RGS7BP: variants seen among roughly 807,000 people sequenced by gnomAD.
RGS7BP encodes the protein regulator of G protein signaling 7 binding protein.
RGS7BP carries 9 observed loss-of-function variants against 31.3 expected under a neutral mutation model. That is an observed-to-expected ratio of 0.29 (90% CI 0.17 to 0.50). The LOEUF is 0.50. RGS7BP is among the 20% of genes least tolerant of loss of function. The pLI, the probability that RGS7BP is intolerant of heterozygous loss-of-function variation, is 0.98. For missense variants in RGS7BP, 274 were observed against 322.0 expected (o/e 0.85, Z 1.14); for synonymous variants, 115 against 120.1 (o/e 0.96, Z 0.28).
At chr5:64,520,616 A>T (rs1749081340) in intron 2 of RGS7BP, among the ~76,000 whole-genome samples, 1 of 152,172 alleles carries the variant, frequency 6.6e-6, no homozygotes, top group Non-Finnish European at 1.5e-5. Context: ...TGCAAGTCCT[A>T]GACATGACCC....
intron 2 of RGS7BP, among the ~76,000 whole-genome samples, chr5:64,572,073 G>C (rs1742312778): frequency 6.6e-6 from 1 of 152,080 alleles, no homozygotes; most frequent in Non-Finnish European, 1.5e-5. Flanking sequence ...TAATTAGAGT[G>C]AAACGTGTTA....
chr5:64,556,062 C>T (rs1176450067), intron 2 of RGS7BP, among the ~76,000 whole-genome samples: 1 of 151,976 alleles, frequency 6.6e-6, no homozygotes, highest in East Asian at 1.9e-4. Context: ...TGTACAGCTT[C>T]CATTCTGCTT....
chr5:64,577,520 C>CA (rs1309765726), intron 3 of RGS7BP, among the ~76,000 whole-genome samples: 3 of 152,182 alleles, frequency 2.0e-5, no homozygotes, highest in Non-Finnish European at 4.4e-5. Context: ...TACATTGCTC[C>CA]AGAGACAGGA....
intron 3 of RGS7BP, among the ~76,000 whole-genome samples, chr5:64,584,547 C>T (rs1447186703): frequency 2.0e-5 from 3 of 152,162 alleles, no homozygotes; most frequent in African/African-American, 7.2e-5. Context: ...CACTCAGAGC[C>T]CCATAAGGAT....
chr5:64,512,661 G>A (rs182940425), intron 2 of RGS7BP, among the ~76,000 whole-genome samples: 3 of 152,248 alleles, frequency 2.0e-5, no homozygotes, highest in Admixed American at 1.3e-4. Flanking sequence ...AGATTGCCGA[G>A]ATACATTTAT....
Position 64,596,729 on chromosome 5 carries a change from C to T in RGS7BP, c.612-1636C>T, listed in dbSNP as rs190454090. On this transcript the variant is annotated intron_variant, in intron 4 of 5. Coordinates refer to ENST00000334025, the MANE Select transcript of RGS7BP (RefSeq NM_001029875.3). ...TGGAAAGTTTTTACAGGTATATTTC[C>T]GCAGATCCTCAAGGCTGCTTTCCCT... Among the ~76,000 whole-genome samples, 22 of 152,256 alleles carry T rather than the reference C, an allele frequency of 1.4e-4. No homozygotes were observed. The South Asian group carries it at 1.5e-3, about 10-fold the overall frequency.
intron 2 of RGS7BP, among the ~76,000 whole-genome samples, chr5:64,566,574 T>C (rs1214130475): frequency 6.6e-6 from 1 of 152,098 alleles, no homozygotes; most frequent in East Asian, 1.9e-4. Flanking sequence ...TGTTCATACG[T>C]TGCATGTCTC....
intron 2 of RGS7BP, among the ~76,000 whole-genome samples, chr5:64,518,453 T>C (rs547744347): frequency 8.6e-4 from 131 of 152,226 alleles, no homozygotes; most frequent in African/African-American, 3.1e-3. Context: ...TAAAACAAGA[T>C]GATATTATTA....
chr5:64,548,109 A>T (rs563355694), intron 2 of RGS7BP, among the ~76,000 whole-genome samples: 1 of 152,148 alleles, frequency 6.6e-6, no homozygotes, highest in Non-Finnish European at 1.5e-5. Context: ...ACTTATTATT[A>T]TCTAACAATA....
intron 1 of RGS7BP, among the ~76,000 whole-genome samples, chr5:64,507,503 G>A (rs1051527601): frequency 6.6e-6 from 1 of 152,134 alleles, no homozygotes; most frequent in Non-Finnish European, 1.5e-5. Flanking sequence ...TCCATGGCCA[G>A]GCTTGCCTAT....
At chr5:64,513,029 G>A (rs1748881230) in intron 2 of RGS7BP, among the ~76,000 whole-genome samples, 1 of 152,140 alleles carries the variant, frequency 6.6e-6, no homozygotes. Flanking sequence ...GAATCTCCTG[G>A]CTTCCTCATT....
At chr5:64,567,912 T>C (rs564997403) in intron 2 of RGS7BP, among the ~76,000 whole-genome samples, 1 of 147,666 alleles carries the variant, frequency 6.8e-6, no homozygotes. Context: ...AATTGAATGA[T>C]AATTGACCTT....
intron 3 of RGS7BP, among the ~76,000 whole-genome samples, chr5:64,580,797 C>A (rs1200052287): frequency 3.3e-5 from 5 of 152,124 alleles, no homozygotes; most frequent in Non-Finnish European, 5.9e-5. Context: ...CACTAAATGC[C>A]TTCCTTTGAG....
At position 64,595,291 on chromosome 5, in the gene RGS7BP, G is replaced by A. The variant is rs571237263; in HGVS notation, c.611+434G>A. Among the ~76,000 whole-genome samples, 4 of 152,190 alleles carry A rather than the reference G, an allele frequency of 2.6e-5. No homozygotes were observed. In the South Asian group the frequency reaches 6.2e-4, roughly 24 times the overall value. ...ACAAAGATGCCTCCAGTAAAGTCTC[G>A]GGTTTCAGGTATATGGAACAGCCTG... is the stretch of plus-strand genomic sequence containing the variant. On this transcript the variant is annotated intron_variant, in intron 4 of 5. Coordinates refer to ENST00000334025, the MANE Select transcript of RGS7BP (RefSeq NM_001029875.3).
At chr5:64,604,595 C>T (rs1298704390) in intron 5 of RGS7BP, among the ~76,000 whole-genome samples, 1 of 152,116 alleles carries the variant, frequency 6.6e-6, no homozygotes, top group African/African-American at 2.4e-5. Context: ...GATCCTCTGG[C>T]CCCACCCCAG....
At chr5:64,607,904 T>C (rs1231645053) in intron 5 of RGS7BP, among the ~76,000 whole-genome samples, 1 of 152,050 alleles carries the variant, frequency 6.6e-6, no homozygotes, top group Non-Finnish European at 1.5e-5. Context: ...GTTTACAGCA[T>C]CTAGGCTCAG....
At position 64,609,318 on chromosome 5, in the gene RGS7BP, A is replaced by T. The variant is rs533097808; in HGVS notation, c.*66A>T. 1.1e-6 allele frequency: 1 copy of T among 880,092 alleles called. No homozygotes were observed. The highest frequency in any genetic ancestry group is 2.0e-6 in the Non-Finnish European group (1 of 511,268). The allele number at this position is 880,092 out of a possible 1,614,324, so 54.5% of individuals were successfully genotyped here. A position where few individuals can be genotyped will look rare whatever the true frequency, so the allele number is the denominator to read the frequency against. On this transcript the variant is annotated 3_prime_UTR_variant, in exon 6 of 6. Coordinates refer to ENST00000334025, the MANE Select transcript of RGS7BP (RefSeq NM_001029875.3). The stretch of plus-strand genomic sequence containing the variant: ...AATCACAAAACCCGAGGACCTCCAG[A>T]CAGCTGAACCACACAGTTATTGGTT...
intron 2 of RGS7BP, among the ~76,000 whole-genome samples, chr5:64,573,197 T>C (rs1198318613): frequency 6.6e-6 from 1 of 151,904 alleles, no homozygotes; most frequent in Non-Finnish European, 1.5e-5. Context: ...ATGAGCCACA[T>C]TTTCTTAATC....
At chr5:64,577,973 T>A (rs1258898218) in intron 3 of RGS7BP, among the ~76,000 whole-genome samples, 1 of 152,216 alleles carries the variant, frequency 6.6e-6, no homozygotes, top group Non-Finnish European at 1.5e-5. Flanking sequence ...GCTCCTCGAT[T>A]TGCCACCTGG....
Sources: allele counts gnomAD v4.1 joint callset (sites outside exome capture counted in the v4.1 genomes callset), GRCh38; gene constraint gnomAD v4.1.1; transcripts MANE v1.5; gene names NCBI Gene and HGNC (gene_info 2026-07-23, HGNC 2026-07-21).